Variants in WNK3 observed in about 807,000 individuals in gnomAD.
WNK3 encodes serine/threonine-protein kinase WNK3.
A neutral mutation model predicts 116.7 loss-of-function variants in WNK3; 18 were observed. The observed-to-expected ratio is 0.15, with a 90% CI of 0.11 to 0.23. WNK3 has a LOEUF of 0.23. Ranked by LOEUF, WNK3 falls within the 10% of genes least tolerant of loss-of-function variation. The probability of loss-of-function intolerance (pLI) is 1.00; values close to 1 mark genes in which losing one functional copy is unlikely to be tolerated. For missense variants in WNK3, 993 were observed against 1,323.8 expected, an observed-to-expected ratio of 0.75 and a Z score of 3.88; for synonymous variants, 404 against 469.4, an observed-to-expected ratio of 0.86 and a Z score of 1.80.
At chrX:54,258,706 G>GA (rs145133745) in intron 11 of WNK3, among the ~76,000 whole-genome samples, 52 of 104,377 alleles carry the variant, frequency 5.0e-4, no homozygotes, top group Admixed American at 1.2e-3. Flanking sequence ...TGAGGCAAAT[G>GA]AAAAAAAACC....
At position 54,211,725 on chromosome X, in the gene WNK3, T is replaced by C. The variant is rs7884391; in HGVS notation, c.4871-9532A>G. Among the ~76,000 whole-genome samples the C allele has an allele frequency of 4.9e-3, 528 of 108,682 alleles. 2 individuals carry two copies. Among genetic ancestry groups the C allele is most frequent in the African/African-American group, 0.017 (496 of 29,752 alleles). The allele number at this position is 108,682 out of a possible 115,157, so 94.4% of individuals were successfully genotyped here. ...AGGCTGATGCAAGAGAATCAATCGC[T>C]TGAGCCCGGGAGGCGGAGGTAGCAG... is the stretch of plus-strand genomic sequence containing the variant. On this transcript the variant is annotated intron_variant, in intron 22 of 23. Transcript: ENST00000354646.
At chrX:54,225,401 AC>A (rs1224138768) in intron 22 of WNK3, among the ~76,000 whole-genome samples, 1 of 109,394 alleles carries the variant, frequency 9.1e-6, no homozygotes, top group Non-Finnish European at 1.9e-5. Context: ...TGGGTGGATC[AC>A]ATGAGGTCAG....
chrX:54,203,247 TAA>T (rs1241672536), intron 22 of WNK3, among the ~76,000 whole-genome samples: 1 of 111,983 alleles, frequency 8.9e-6, no homozygotes, highest in Non-Finnish European at 1.9e-5. Context: ...AACATCACAC[TAA>T]GTCTTTACAT....
chrX:54,325,652 C>T (rs943283394), intron 2 of WNK3, among the ~76,000 whole-genome samples: 2 of 87,512 alleles, frequency 2.3e-5, no homozygotes, highest in Non-Finnish European at 4.3e-5. Context: ...GCACTCCAGC[C>T]TGGGCAACAA....
At chrX:54,266,640 C>T (rs1453596391) in intron 10 of WNK3, among the ~76,000 whole-genome samples, 2 of 110,616 alleles carry the variant, frequency 1.8e-5, no homozygotes, top group Non-Finnish European at 3.8e-5. Context: ...CAGGCTCAAG[C>T]AATACTCCCA....
chrX:54,321,900 G>A (rs1171522409), intron 2 of WNK3, among the ~76,000 whole-genome samples: 2 of 107,017 alleles, frequency 1.9e-5, no homozygotes, highest in Admixed American at 1.0e-4. Context: ...CAGAAAATTC[G>A]CTTGACCCCG....
At chrX:54,243,198 G>A (rs1306685022) in intron 17 of WNK3, among the ~76,000 whole-genome samples, 1 of 107,160 alleles carries the variant, frequency 9.3e-6, no homozygotes, top group Non-Finnish European at 1.9e-5. Flanking sequence ...GGCGGATCAC[G>A]AGGTCAGGAG....
At chrX:54,311,177 T>C in exon 3 of WNK3, 1 of 1,192,478 alleles carries the variant, frequency 8.4e-7, no homozygotes, top group South Asian at 1.8e-5. Flanking sequence ...TTCTTTCCTT[T>C]TAATATAGAT....
intron 10 of WNK3, among the ~76,000 whole-genome samples, chrX:54,270,257 C>T (rs2068365099): frequency 9.1e-6 from 1 of 109,681 alleles, no homozygotes; most frequent in Non-Finnish European, 1.9e-5. Context: ...AGGCATGCAC[C>T]ACCACGCCCA....
chrX:54,226,146 A>G (rs2067835045), intron 22 of WNK3, among the ~76,000 whole-genome samples: 1 of 106,623 alleles, frequency 9.4e-6, no homozygotes, highest in Non-Finnish European at 1.9e-5. Context: ...AACTCACACC[A>G]TATGCACAAA....
chrX:54,250,778 G>A (rs2068120346), intron 15 of WNK3, among the ~76,000 whole-genome samples: 1 of 110,803 alleles, frequency 9.0e-6, no homozygotes, highest in Non-Finnish European at 1.9e-5. Flanking sequence ...TTACGTTCCT[G>A]TAATTTCTTC....
chrX:54,198,435 A>G lies in WNK3; in HGVS notation c.5292T>C (p.Ser1764=), dbSNP rs200995664. ...CCCCAGATTGGGCGGGAATTACTAC[A>G]GATTGTTGTGTTGTTCCTGAAATTC... The change falls in exon 24 of 24, where the codon TCT becomes TCC. Residue 1764 remains serine, a synonymous_variant. Transcript: ENST00000354646. 2.3e-5 allele frequency: 28 copies of G among 1,209,206 alleles called. 1 individual carries two copies. Among genetic ancestry groups the G allele is most frequent in the African/African-American group, 1.8e-5 (1 of 57,049 alleles).
At chrX:54,193,806 A>G (rs1036719953) in exon 24 of WNK3, 2 of 111,396 alleles carry the variant, frequency 1.8e-5, no homozygotes, top group South Asian at 7.6e-4. Context: ...TAAAATTTCA[A>G]TCTTAGAAAT....
chrX:54,250,054 G>C, exon 16 of WNK3: 1 of 1,203,663 alleles, frequency 8.3e-7, no homozygotes, highest in African/African-American at 1.7e-5. Context: ...GGAGGAGACT[G>C]AGTCTCACGG....
chrX:54,297,576 C>CAA (rs782695359), intron 7 of WNK3, among the ~76,000 whole-genome samples: 1 of 77,105 alleles, frequency 1.3e-5, no homozygotes, highest in Non-Finnish European at 2.5e-5. Flanking sequence ...GACTCCATCT[C>CAA]AAAAAAAAAA....
exon 17 of WNK3, chrX:54,248,921 A>T: frequency 4.1e-6 from 5 of 1,210,933 alleles, no homozygotes; most frequent in Non-Finnish European, 5.6e-6. Flanking sequence ...GAAAATGGAG[A>T]GTCTATGCTT....
chrX:54,224,402 T>C (rs2067806787), intron 22 of WNK3, among the ~76,000 whole-genome samples: 1 of 108,799 alleles, frequency 9.2e-6, no homozygotes, highest in African/African-American at 3.3e-5. Context: ...ATGTAGACTG[T>C]TGAGTTTTCT....
At chrX:54,326,509 G>C (rs782563021) in intron 2 of WNK3, among the ~76,000 whole-genome samples, 1 of 110,612 alleles carries the variant, frequency 9.0e-6, no homozygotes, top group South Asian at 3.9e-4. Context: ...TTCAAGACTA[G>C]CCTGAGCAAC....
chrX:54,347,725 A>T (rs1451576189), intron 1 of WNK3, among the ~76,000 whole-genome samples: 1 of 103,921 alleles, frequency 9.6e-6, no homozygotes, highest in Non-Finnish European at 1.9e-5. Context: ...TATATATATA[A>T]AACACAATGT....
Sources: gnomAD v4.1 joint callset for allele counts (sites outside exome capture counted in the v4.1 genomes callset) on GRCh38, gnomAD v4.1.1 for gene constraint, MANE v1.5 for transcripts, NCBI Gene and HGNC (gene_info 2026-07-23, HGNC 2026-07-21) for gene names.